RGS10: variants seen among roughly 807,000 people sequenced by gnomAD.
RGS10 encodes regulator of G protein signaling 10.
RGS10 carries 11 observed loss-of-function variants against 23.5 expected under a neutral mutation model. That is an observed-to-expected ratio of 0.47 (90% CI 0.29 to 0.77). The LOEUF (loss-of-function observed/expected upper bound fraction) is 0.77. Among genes scored for constraint, RGS10 ranks in the 30% least tolerant of loss-of-function variants. The probability of loss-of-function intolerance (pLI) is 0.08; values close to 1 mark genes in which losing one functional copy is unlikely to be tolerated. For synonymous variants in RGS10, 77 were observed against 83.2 expected, an observed-to-expected ratio of 0.92 and a Z score of 0.41; for missense variants, 180 against 226.3, an observed-to-expected ratio of 0.80 and a Z score of 1.31.
chr10:119,514,589 C>T (rs1431055284), intron 4 of RGS10, among the ~76,000 whole-genome samples: 1 of 146,988 alleles, frequency 6.8e-6, no homozygotes, highest in Non-Finnish European at 1.5e-5. Context: ...ACCTGGGAGG[C>T]GGAGGTTGCA....
chr10:119,514,847 A>G (rs957272962), intron 4 of RGS10, among the ~76,000 whole-genome samples: 3 of 152,196 alleles, frequency 2.0e-5, no homozygotes, highest in Middle Eastern at 6.8e-3. Context: ...TCATATGGCT[A>G]CAGTCACAAA....
rs1844290534 is a variant in RGS10 at position 119,527,558 on chromosome 10, G to A, written c.50-134C>T. 2 of 692,448 alleles carry A rather than the reference G, an allele frequency of 2.9e-6. No individual in the cohort carries two copies. The highest frequency in any genetic ancestry group is 5.1e-6 in the Non-Finnish European group (2 of 389,308). 42.9% of individuals were successfully genotyped at this position (692,448 alleles called of 1,614,324 possible). A position where few individuals can be genotyped will look rare whatever the true frequency, so the allele number is the denominator to read the frequency against. ...ACTTATGCGTCAGGCTCTGTTCTAG[G>A]TGCTTAACATGATGGACTCATTCTT... On this transcript the variant is annotated intron_variant, in intron 1 of 4. Transcript: ENST00000369103. This position sits in a 1 kb window ranked among gnomAD's most constrained non-coding sequence, Gnocchi z 4.2.
chr10:119,523,098 C>T (rs1004273131), intron 3 of RGS10, among the ~76,000 whole-genome samples: 3 of 151,912 alleles, frequency 2.0e-5, no homozygotes, highest in Admixed American at 2.0e-4. Context: ...AGTGATCCAC[C>T]CACCTTGACC....
intron 4 of RGS10, among the ~76,000 whole-genome samples, chr10:119,504,148 C>T (rs538394640): frequency 6.6e-6 from 1 of 152,224 alleles, no homozygotes; most frequent in East Asian, 1.9e-4. Flanking sequence ...TAAAAACACA[C>T]CCTATCTAAA....
Position 119,542,602 on chromosome 10 carries a change from G to T in RGS10, c.37C>A (p.Arg13=). 1 of 1,425,906 alleles carries T rather than the reference G, an allele frequency of 7.0e-7. No individual in the cohort carries two copies. 88.3% of individuals were successfully genotyped at this position (1,425,906 alleles called of 1,614,324 possible). ...CGAAGCCGCTTACCTGACGGCGGCCGCTTCCTGCTCAGCCGGCTCACGGCG... is the reference window on the plus strand; with the variant it reads ...CGAAGCCGCTTACCTGACGGCGGCCTCTTCCTGCTCAGCCGGCTCACGGCG... The part of the protein sequence containing the change: ...NRAVSRLSRK[R]PPSDIHDSDG... The change falls in exon 1 of 5, where the codon CGG becomes AGG. Residue 13 remains arginine, a synonymous_variant. Transcript: ENST00000369103.
At chr10:119,529,195 G>GT (rs1478924070) in intron 1 of RGS10, among the ~76,000 whole-genome samples, 2 of 152,184 alleles carry the variant, frequency 1.3e-5, no homozygotes, top group African/African-American at 4.8e-5. Context: ...GCTCACGCCT[G>GT]TAATCCTAGC....
intron 1 of RGS10, among the ~76,000 whole-genome samples, chr10:119,541,082 G>A (rs1023716717): frequency 6.6e-6 from 1 of 152,188 alleles, no homozygotes; most frequent in Non-Finnish European, 1.5e-5. Flanking sequence ...ACTGGCTCTT[G>A]CAAGCCAGTT....
chr10:119,534,767 G>A (rs955662871), intron 1 of RGS10, among the ~76,000 whole-genome samples: 6 of 144,634 alleles, frequency 4.1e-5, no homozygotes, highest in African/African-American at 1.0e-4. Flanking sequence ...GTGCACGCCT[G>A]TAGTTCCAGC....
intron 4 of RGS10, among the ~76,000 whole-genome samples, chr10:119,504,387 G>A (rs958543511): frequency 1.3e-5 from 2 of 152,124 alleles, no homozygotes; most frequent in Admixed American, 1.3e-4. Context: ...CATTGACCAG[G>A]CTGGTCTCAA....
intron 1 of RGS10, among the ~76,000 whole-genome samples, chr10:119,542,156 G>C (rs902251738): frequency 3.3e-5 from 5 of 152,242 alleles, no homozygotes; most frequent in Non-Finnish European, 7.4e-5. Flanking sequence ...GGGCCCAGTC[G>C]GATGCCCGGG....
Position 119,540,754 on chromosome 10 carries a change from A to G in RGS10, c.49+1836T>C, listed in dbSNP as rs531017392. Among the ~76,000 whole-genome samples the G allele has an allele frequency of 9.8e-5, 15 of 152,360 alleles. No homozygotes were observed. The South Asian group carries it at 2.5e-3, about 25-fold the overall frequency. ...TTCAACCCAAAAGCAATCTAAAGTA[A>G]TAAGTAACGCGTACAGGGCTATTCA... On this transcript the variant is annotated intron_variant, in intron 1 of 4. Transcript: ENST00000369103.
intron 4 of RGS10, among the ~76,000 whole-genome samples, chr10:119,502,384 A>G (rs1589831665): frequency 6.6e-6 from 1 of 152,112 alleles, no homozygotes; most frequent in Non-Finnish European, 1.5e-5. Flanking sequence ...CGAAGGTCCC[A>G]CCTGGCACCC....
intron 4 of RGS10, among the ~76,000 whole-genome samples, chr10:119,505,520 A>G (rs994695877): frequency 5.9e-5 from 9 of 151,602 alleles, no homozygotes; most frequent in African/African-American, 1.7e-4. Context: ...CAGATGTGCA[A>G]CTCTGCACAA....
intron 1 of RGS10, 108 bp downstream of exon 1, chr10:119,542,482 T>C (rs1212803726): frequency 6.0e-6 from 6 of 997,470 alleles, no homozygotes; most frequent in Non-Finnish European, 8.0e-6. Flanking sequence ...GGGGCTCCAG[T>C]CTGGGAGGTA....
At chr10:119,503,672 A>G (rs116147934) in intron 4 of RGS10, among the ~76,000 whole-genome samples, 44 of 152,264 alleles carry the variant, frequency 2.9e-4, no homozygotes, top group African/African-American at 9.9e-4. Flanking sequence ...GGTTCCTCAC[A>G]GTTCTGGAGG....
intron 4 of RGS10, among the ~76,000 whole-genome samples, chr10:119,512,795 G>A (rs11198983): frequency 3.9e-5 from 6 of 152,166 alleles, no homozygotes; most frequent in African/African-American, 1.4e-4. Flanking sequence ...TGATCCACAC[G>A]CCTTGGCCTC....
At chr10:119,506,074 A>G (rs1465456015) in intron 4 of RGS10, among the ~76,000 whole-genome samples, 1 of 152,190 alleles carries the variant, frequency 6.6e-6, no homozygotes, top group Non-Finnish European at 1.5e-5. Context: ...TGGACTACAG[A>G]CGTGCTTTTG....
chr10:119,504,444 G>A (rs982503474), intron 4 of RGS10, among the ~76,000 whole-genome samples: 3 of 152,164 alleles, frequency 2.0e-5, no homozygotes, highest in African/African-American at 4.8e-5. Flanking sequence ...CCAAAGTGCC[G>A]GGATTACAGG....
At chr10:119,511,774 T>C (rs1844078903) in intron 4 of RGS10, among the ~76,000 whole-genome samples, 1 of 152,118 alleles carries the variant, frequency 6.6e-6, no homozygotes, top group Non-Finnish European at 1.5e-5. Context: ...TGGTGCGGCG[T>C]GTGGCAATGG....
Sources: gnomAD v4.1 joint callset for allele counts (sites outside exome capture counted in the v4.1 genomes callset) on GRCh38, gnomAD v4.1.1 for gene constraint, Gnocchi (gnomAD v3.1) non-coding constraint, MANE v1.5 for transcripts, NCBI Gene and HGNC (gene_info 2026-07-23, HGNC 2026-07-21) for gene names.